The following EFCAB6 variants were observed in gnomAD, a reference collection of about 807,000 sequenced individuals.
The protein encoded by EFCAB6 is EF-hand calcium binding domain 6.
EFCAB6 carries 156 observed loss-of-function variants against 169.8 expected under a neutral mutation model. That is an observed-to-expected ratio of 0.92 (90% confidence interval 0.81 to 1.05). The LOEUF is 1.05. Ranked by LOEUF, EFCAB6 falls within the 50% of genes least tolerant of loss-of-function variation. EFCAB6 has a pLI of 0.00. For missense variants in EFCAB6, 1,800 were observed against 1,829.1 expected, an observed-to-expected ratio of 0.98 and a Z score of 0.29; for synonymous variants, 698 against 676.4, an observed-to-expected ratio of 1.03 and a Z score of -0.50.
intron 27 of EFCAB6, chr22:43,551,833 T>TC (rs979455126): frequency 6.6e-6 from 1 of 151,720 alleles, no homozygotes; most frequent in Non-Finnish European, 1.5e-5. Context: ...TGTTCCTTTT[T>TC]TTTTTTTTTT....
chr22:43,605,212 C>T (rs1407483333), intron 22 of EFCAB6, among the ~76,000 whole-genome samples: 1 of 152,214 alleles, frequency 6.6e-6, no homozygotes, highest in Non-Finnish European at 1.5e-5. Flanking sequence ...ACACAAACTG[C>T]CCTTGCTCAT....
chr22:43,811,154 C>A (rs1378772279), intron 1 of EFCAB6, among the ~76,000 whole-genome samples: 1 of 151,794 alleles, frequency 6.6e-6, no homozygotes, highest in Non-Finnish European at 1.5e-5. Context: ...GTGGCAGGCG[C>A]CTGTAATCCC....
At chr22:43,763,211 G>A (rs969894882) in intron 5 of EFCAB6, among the ~76,000 whole-genome samples, 2 of 151,694 alleles carry the variant, frequency 1.3e-5, no homozygotes, top group African/African-American at 4.8e-5. Context: ...ACTAATTTTT[G>A]TATTTTTAGT....
chr22:43,746,592 GC>G (rs1400046799), intron 6 of EFCAB6, among the ~76,000 whole-genome samples: 1 of 152,106 alleles, frequency 6.6e-6, no homozygotes, highest in Non-Finnish European at 1.5e-5. Flanking sequence ...ATGAAAAGGT[GC>G]CCCGTCTATA....
intron 17 of EFCAB6, among the ~76,000 whole-genome samples, chr22:43,662,352 C>T (rs561313072): frequency 3.2e-4 from 49 of 152,078 alleles, no homozygotes; most frequent in African/African-American, 9.6e-4. Context: ...CTCATTGATC[C>T]GGGGTAGGCA....
At position 43,684,655 on chromosome 22, in the gene EFCAB6, G is replaced by A. The variant is rs189093165; in HGVS notation, c.1143-800C>T. On this transcript the variant is annotated intron_variant, in intron 11 of 31. Coordinates refer to ENST00000262726, the MANE Select transcript of EFCAB6 (RefSeq NM_022785.4). ...CTATACAGCCATCTTAGCTTCTTCC[G>A]TTTGTGCAGAAACAATAAGCCTACG... 1.2e-4 allele frequency among the ~76,000 whole-genome samples: 19 copies of A among 152,276 alleles called. No homozygotes were observed. The East Asian group carries it at 2.3e-3, about 19-fold the overall frequency.
chr22:43,632,046 T>G, intron 19 of EFCAB6, 59 bp downstream of exon 19: 1 of 1,590,998 alleles, frequency 6.3e-7, no homozygotes, highest in South Asian at 1.1e-5. Context: ...CCACTTGGGC[T>G]GCGTGGTTGG....
At chr22:43,681,047 G>C (rs1465390954) in intron 12 of EFCAB6, among the ~76,000 whole-genome samples, 1 of 152,214 alleles carries the variant, frequency 6.6e-6, no homozygotes, top group Non-Finnish European at 1.5e-5. Context: ...CCTGATCTTA[G>C]GAGGAAGGAG....
chr22:43,682,308 G>C (rs1183642041), intron 12 of EFCAB6, among the ~76,000 whole-genome samples: 1 of 152,174 alleles, frequency 6.6e-6, no homozygotes, highest in East Asian at 1.9e-4. Flanking sequence ...CCCAGCACGG[G>C]GGCCCAGCAT....
chr22:43,674,272 A>G (rs982465722), intron 13 of EFCAB6, among the ~76,000 whole-genome samples: 1 of 152,148 alleles, frequency 6.6e-6, no homozygotes, highest in African/African-American at 2.4e-5. Flanking sequence ...TCCTTCATTC[A>G]TGTTTATTCA....
At chr22:43,686,044 G>T (rs2058182948) in intron 11 of EFCAB6, among the ~76,000 whole-genome samples, 1 of 150,492 alleles carries the variant, frequency 6.6e-6, no homozygotes, top group Admixed American at 6.6e-5. Flanking sequence ...GCAATGGTGA[G>T]ATCTCGGCTC....
intron 17 of EFCAB6, among the ~76,000 whole-genome samples, chr22:43,663,193 G>A (rs1344978126): frequency 1.3e-5 from 2 of 152,134 alleles, no homozygotes; most frequent in African/African-American, 2.4e-5. Flanking sequence ...AATTACTATC[G>A]CTGTTATTGC....
At chr22:43,670,979 C>T (rs2057466244) in intron 15 of EFCAB6, among the ~76,000 whole-genome samples, 2 of 152,198 alleles carry the variant, frequency 1.3e-5, no homozygotes, top group Admixed American at 6.5e-5. Context: ...CTTATCACAA[C>T]TCTAGTAAGA....
chr22:43,612,260 G>C (rs570424878), intron 21 of EFCAB6, among the ~76,000 whole-genome samples: 137 of 152,242 alleles, frequency 9.0e-4, no homozygotes, highest in Non-Finnish European at 1.5e-3. Context: ...TCTGGACATA[G>C]GAACTGAGAA....
chr22:43,595,977 A>G (rs1050751424), intron 23 of EFCAB6, among the ~76,000 whole-genome samples: 1 of 152,232 alleles, frequency 6.6e-6, no homozygotes, highest in Non-Finnish European at 1.5e-5. Context: ...CATCACATCA[A>G]CAGAATAAAG....
intron 22 of EFCAB6, 126 bp downstream of exon 22, chr22:43,608,356 T>C (rs1308014053): frequency 3.9e-6 from 3 of 761,680 alleles, no homozygotes; most frequent in African/African-American, 3.5e-5. Context: ...ATGAGACAGA[T>C]GCAACCAAGA....
intron 2 of EFCAB6, among the ~76,000 whole-genome samples, chr22:43,807,454 G>A (rs1325039482): frequency 2.0e-5 from 3 of 152,110 alleles, no homozygotes; most frequent in Non-Finnish European, 4.4e-5. Flanking sequence ...TAACCAATGG[G>A]AAAAACACAA....
At chr22:43,613,910 TGA>T (rs2053503061) in intron 21 of EFCAB6, among the ~76,000 whole-genome samples, 1 of 152,108 alleles carries the variant, frequency 6.6e-6, no homozygotes, top group African/African-American at 2.4e-5. Flanking sequence ...GAGGACCACT[TGA>T]AGCCAGGAAT....
At chr22:43,726,491 G>T (rs919168037) in intron 8 of EFCAB6, among the ~76,000 whole-genome samples, 1 of 152,162 alleles carries the variant, frequency 6.6e-6, no homozygotes, top group African/African-American at 2.4e-5. Context: ...GCTGGCACTT[G>T]GAAAAATGAA....
Sources: allele counts gnomAD v4.1 joint callset (sites outside exome capture counted in the v4.1 genomes callset), GRCh38; gene constraint gnomAD v4.1.1; transcripts MANE v1.5; gene names NCBI Gene and HGNC (gene_info 2026-07-23, HGNC 2026-07-21).